CSMD1: variants seen among roughly 807,000 people sequenced by gnomAD.
CSMD1 encodes the protein CUB and sushi domain-containing protein 1.
In CSMD1, 213 loss-of-function variants were observed where a neutral mutation model predicts 417.5. That is an observed-to-expected ratio of 0.51 (90% CI 0.46 to 0.57). CSMD1 has a LOEUF of 0.57. CSMD1 is among the 20% of genes least tolerant of loss of function. CSMD1 has a pLI of 0.00. For synonymous variants in CSMD1, 2,862 were observed against 1,736.8 expected, an observed-to-expected ratio of 1.65 and a Z score of -16.11; for missense variants, 6,923 against 4,529.7, an observed-to-expected ratio of 1.53 and a Z score of -15.17.
At chr8:4,419,392 G>A (rs919347330) in intron 3 of CSMD1, among the ~76,000 whole-genome samples, 2 of 151,998 alleles carry the variant, frequency 1.3e-5, no homozygotes, top group Non-Finnish European at 2.9e-5. Context: ...AAAAATTTCT[G>A]CCAAAAGCCG....
At position 4,408,106 on chromosome 8, in the gene CSMD1, C is replaced by A. The variant is rs1310548594; in HGVS notation, c.415+11847G>T. Reference sequence around the variant, plus strand: ...AAGCATGCTTCACAAAAAGTTTATGCCTGAATGGAAAAACAAAATGGAAAC... The same window carrying A: ...AAGCATGCTTCACAAAAAGTTTATGACTGAATGGAAAAACAAAATGGAAAC... On this transcript the variant is annotated intron_variant, in intron 3 of 69. Coordinates refer to ENST00000635120, the MANE Select transcript of CSMD1 (RefSeq NM_033225.6). Among the ~76,000 whole-genome samples, 4 of 152,174 alleles carry A rather than the reference C, an allele frequency of 2.6e-5. No homozygotes were observed. In the South Asian group the frequency reaches 8.3e-4, roughly 32 times the overall value.
chr8:4,409,023 T>G (rs903862064), intron 3 of CSMD1, among the ~76,000 whole-genome samples: 1 of 152,192 alleles, frequency 6.6e-6, no homozygotes, highest in Non-Finnish European at 1.5e-5. Flanking sequence ...AAAACAAATA[T>G]CTGTATCACT....
intron 5 of CSMD1, among the ~76,000 whole-genome samples, chr8:3,910,684 C>A (rs1344876691): frequency 1.3e-5 from 2 of 152,150 alleles, no homozygotes; most frequent in East Asian, 3.9e-4. Flanking sequence ...ATCTATTTTC[C>A]CCTTTGTATT....
Position 3,392,839 on chromosome 8 carries a change from C to G in CSMD1, c.2593+3355G>C, listed in dbSNP as rs573779514. On this transcript the variant is annotated intron_variant, in intron 17 of 69. Transcript: ENST00000635120. ...AGTGGGTTGCGAGCCTCTGAAAGCACTCATATCTCTACACCACCCACAGAA... is the reference window on the plus strand; with the variant it reads ...AGTGGGTTGCGAGCCTCTGAAAGCAGTCATATCTCTACACCACCCACAGAA... 3.3e-5 allele frequency among the ~76,000 whole-genome samples: 5 copies of G among 152,230 alleles called. No individual in the cohort carries two copies. In the South Asian group the frequency reaches 1.0e-3, roughly 32 times the overall value.
At chr8:4,157,299 G>C (rs1030411069) in intron 3 of CSMD1, among the ~76,000 whole-genome samples, 4 of 152,144 alleles carry the variant, frequency 2.6e-5, no homozygotes, top group South Asian at 2.1e-4. Context: ...TTGCAGAGCT[G>C]GGTCACTGCA....
In CSMD1 at chr8:4,698,903, AACACACACAC is replaced by A. The variant is rs71988727; in HGVS notation, c.86-61355_86-61346del. On this transcript the variant is annotated intron_variant, in intron 1 of 69. Coordinates refer to ENST00000635120, the MANE Select transcript of CSMD1 (RefSeq NM_033225.6). ...CTCTTAAACATGTGCATACCCTCCC[AACACACACAC>A]ACACACACACACACACACACACACA... 2.3e-4 allele frequency among the ~76,000 whole-genome samples: 32 copies of A among 140,214 alleles called. No homozygotes were observed. The East Asian group carries it at 2.5e-3, about 11-fold the overall frequency. The allele number at this position is 140,214 out of a possible 152,430, so 92.0% of individuals were successfully genotyped here.
At chr8:3,255,108 C>A (rs552331979) in intron 26 of CSMD1, among the ~76,000 whole-genome samples, 3 of 152,162 alleles carry the variant, frequency 2.0e-5, no homozygotes, top group African/African-American at 7.2e-5. Flanking sequence ...CCTCAGCTGC[C>A]GGTCTCTTGG....
rs545331094 is a variant in CSMD1 at position 4,428,144 on chromosome 8, C to T, written c.303-8079G>A. On this transcript the variant is annotated intron_variant, in intron 2 of 69. Transcript: ENST00000635120. ...CTGTTTTCCTCCTCTCCAAAGCACCCACCACATCTATGTGAATCTGGCTTC... is the reference window on the plus strand; with the variant it reads ...CTGTTTTCCTCCTCTCCAAAGCACCTACCACATCTATGTGAATCTGGCTTC... Among the ~76,000 whole-genome samples the T allele has an allele frequency of 3.3e-5, 5 of 152,300 alleles. No individual in the cohort carries two copies. In the East Asian group the frequency reaches 9.7e-4, roughly 29 times the overall value.
intron 6 of CSMD1, among the ~76,000 whole-genome samples, chr8:3,736,284 C>T (rs115628427): frequency 1.3e-5 from 2 of 151,976 alleles, no homozygotes; most frequent in East Asian, 1.9e-4. Flanking sequence ...CTGTGTCACC[C>T]AGGCTAGAGT....
intron 26 of CSMD1, among the ~76,000 whole-genome samples, chr8:3,268,462 T>G (rs1801599123): frequency 6.6e-6 from 1 of 151,918 alleles, no homozygotes; most frequent in Non-Finnish European, 1.5e-5. Context: ...CTGATTTTTT[T>G]GTATTTTTAG....
At chr8:4,803,471 G>T (rs1194288911) in intron 1 of CSMD1, among the ~76,000 whole-genome samples, 1 of 152,108 alleles carries the variant, frequency 6.6e-6, no homozygotes, top group African/African-American at 2.4e-5. Context: ...GGAGGGTTAG[G>T]GGTCAGAAAG....
intron 3 of CSMD1, among the ~76,000 whole-genome samples, chr8:4,163,721 G>A (rs768699699): frequency 2.6e-5 from 4 of 152,120 alleles, no homozygotes; most frequent in Non-Finnish European, 4.4e-5. Flanking sequence ...TGGATGTGAT[G>A]ATCTTGATTA....
At chr8:4,188,063 T>A (rs538421978) in intron 3 of CSMD1, among the ~76,000 whole-genome samples, 1 of 152,180 alleles carries the variant, frequency 6.6e-6, no homozygotes, top group South Asian at 2.1e-4. Context: ...CATAGGTGAT[T>A]TAAAACAAAT....
chr8:4,469,008 G>GA (rs1185035133), intron 2 of CSMD1, among the ~76,000 whole-genome samples: 2 of 151,972 alleles, frequency 1.3e-5, no homozygotes, highest in African/African-American at 2.4e-5. Context: ...ACTCTAAAAG[G>GA]AAAAAAAGTT....
At chr8:3,736,643 G>C (rs1796533979) in intron 6 of CSMD1, among the ~76,000 whole-genome samples, 1 of 152,128 alleles carries the variant, frequency 6.6e-6, no homozygotes, top group African/African-American at 2.4e-5. Context: ...TCATGCCCCA[G>C]GTCTTCCATC....
chr8:4,920,966 G>A (rs1409999202), intron 1 of CSMD1, among the ~76,000 whole-genome samples: 1 of 8,416 alleles, frequency 1.2e-4, no homozygotes, highest in African/African-American at 3.2e-4. Context: ...AAGAAAGAAA[G>A]AAAGAAAGAA....
At chr8:4,505,826 A>C (rs1054563598) in intron 2 of CSMD1, among the ~76,000 whole-genome samples, 2 of 151,386 alleles carry the variant, frequency 1.3e-5, no homozygotes, top group South Asian at 4.2e-4. Flanking sequence ...TTTTAGATAG[A>C]GTCTCACTCT....
chr8:4,729,150 C>T (rs889329185), intron 1 of CSMD1, among the ~76,000 whole-genome samples: 1 of 152,012 alleles, frequency 6.6e-6, no homozygotes, highest in Non-Finnish European at 1.5e-5. Context: ...AACACAAGGA[C>T]AGGCTAATGA....
intron 5 of CSMD1, among the ~76,000 whole-genome samples, chr8:3,822,575 G>C (rs1366283736): frequency 6.6e-6 from 1 of 152,132 alleles, no homozygotes; most frequent in Admixed American, 6.5e-5. Context: ...ATCACTTCAT[G>C]GGTTTATTGG....
Sources: allele counts gnomAD v4.1 joint callset (sites outside exome capture counted in the v4.1 genomes callset), GRCh38; gene constraint gnomAD v4.1.1; transcripts MANE v1.5; gene names NCBI Gene and HGNC (gene_info 2026-07-23, HGNC 2026-07-21).